Variants in SOX11 observed in about 807,000 individuals in gnomAD.
SOX11 encodes the protein SRY-box transcription factor 11.
Under a neutral mutation model 16.7 loss-of-function variants are expected in SOX11, and 5 were observed. The ratio of observed to expected loss-of-function variants is 0.30; its 90% CI spans 0.16 to 0.63. SOX11 has a LOEUF of 0.63. Ranked by LOEUF, SOX11 falls within the 20% of genes least tolerant of loss-of-function variation. SOX11 has a pLI of 0.82. For synonymous variants in SOX11, 363 were observed against 298.8 expected (o/e 1.21, Z -2.22); for missense variants, 492 against 641.5 (o/e 0.77, Z 2.52).
rs992170236 is a variant in SOX11 at position 5,692,476 on chromosome 2, C to A, written c.-246C>A. 1.3e-5 allele frequency among the ~76,000 whole-genome samples: 2 copies of A among 151,528 alleles called. No homozygotes were observed. On this transcript the variant is annotated 5_prime_UTR_variant, in exon 1 of 1. Transcript: ENST00000322002. ...GAGAGGGGTCCCGGGCTGCCTCGAC[C>A]GCCGTCGCCACCGCCTCTCCTGTCG...
chr2:5,694,032 G>C lies in SOX11; in HGVS notation c.1311G>C (p.Leu437=). The part of the protein sequence containing the change: ...GDWLEANFSD[L]VFTY ...GGCTGGAGGCGAACTTCTCCGACCTGGTGTTCACATATTGAAAGGCGCCCG... is the reference window on the plus strand; with the variant it reads ...GGCTGGAGGCGAACTTCTCCGACCTCGTGTTCACATATTGAAAGGCGCCCG... Residue 437 remains leucine, a synonymous_variant, in exon 1 of 1, where the codon CTG becomes CTC. Transcript: ENST00000322002. The C allele has an allele frequency of 7.7e-6, 12 of 1,550,480 alleles. No individual in the cohort carries two copies. The highest frequency in any genetic ancestry group is 1.0e-5 in the Non-Finnish European group (12 of 1,146,602).
In SOX11 at chr2:5,697,478, C is replaced by T. The variant is rs1402617753; in HGVS notation, c.*3431C>T. On this transcript the variant is annotated 3_prime_UTR_variant, in exon 1 of 1. Transcript: ENST00000322002. ...CGGCCCCCCGACTGAGAACTCGGGC[C>T]TCTCACCCGCCCCCCAGCCTCCCGC... 1.9e-5 allele frequency: 3 copies of T among 160,296 alleles called. No individual in the cohort carries two copies. The highest frequency in any genetic ancestry group is 3.0e-5 in the Non-Finnish European group (2 of 66,954). The allele number at this position is 160,296 out of a possible 1,614,324, so 9.9% of individuals were successfully genotyped here.
In SOX11 at chr2:5,696,081, G is replaced by A. The variant is rs1450504751; in HGVS notation, c.*2034G>A. ...CCGCGTCCCCGCTGAGCCTCGCGGT[G>A]ACAGCCGCCTTTGGCAGCGAGCGCT... is the stretch of plus-strand genomic sequence containing the variant. On this transcript the variant is annotated 3_prime_UTR_variant, in exon 1 of 1. Transcript: ENST00000322002. The A allele has an allele frequency of 6.0e-6, 1 of 166,100 alleles. No individual in the cohort carries two copies. The highest frequency in any genetic ancestry group is 1.5e-5 in the Non-Finnish European group (1 of 68,176). 10.3% of individuals were successfully genotyped at this position (166,100 alleles called of 1,614,324 possible). A position where few individuals can be genotyped will look rare whatever the true frequency, so the allele number is the denominator to read the frequency against.
rs1235601799 is a variant in SOX11, at chr2:5,695,343, A to G, written c.*1296A>G. 6.0e-6 allele frequency: 1 copy of G among 166,960 alleles called. No individual in the cohort carries two copies. Among genetic ancestry groups the G allele is most frequent in the Non-Finnish European group, 1.5e-5 (1 of 68,110 alleles). The allele number at this position is 166,960 out of a possible 1,614,324, so 10.3% of individuals were successfully genotyped here. ...AAAGATTGTATATGTACTGTACTAT[A>G]GTAGGACTTTATGTATCTCATACGC... On this transcript the variant is annotated 3_prime_UTR_variant, in exon 1 of 1. Transcript: ENST00000322002.
rs1383139180 is a variant in SOX11 at position 5,698,465 on chromosome 2, G to A, written c.*4418G>A. ...ATTTTGGTAAGCTTTCCATCTTTAA[G>A]AAATTGAACCAGCATTCTCTTATTA... On this transcript the variant is annotated 3_prime_UTR_variant, in exon 1 of 1. Transcript: ENST00000322002. The A allele has an allele frequency of 6.0e-6, 1 of 166,576 alleles. No individual in the cohort carries two copies. Among genetic ancestry groups the A allele is most frequent in the South Asian group, 2.1e-4 (1 of 4,814 alleles). 10.3% of individuals were successfully genotyped at this position (166,576 alleles called of 1,614,324 possible).
rs1047868074 is a variant in SOX11 at position 5,694,276 on chromosome 2, G to T, written c.*229G>T. 2 of 547,152 alleles carry T rather than the reference G, an allele frequency of 3.7e-6. No homozygotes were observed. Among genetic ancestry groups the T allele is most frequent in the African/African-American group, 2.0e-5 (1 of 50,570 alleles). 33.9% of individuals were successfully genotyped at this position (547,152 alleles called of 1,614,324 possible). A position where few individuals can be genotyped will look rare whatever the true frequency, so the allele number is the denominator to read the frequency against. ...AATTTTGGTGGAGTTAAAGTGAAAT[G>T]AGTAGTTTTTAAACATTTTTCCTGT... On this transcript the variant is annotated 3_prime_UTR_variant, in exon 1 of 1. Coordinates refer to ENST00000322002, the MANE Select transcript of SOX11 (RefSeq NM_003108.4).
In SOX11 at chr2:5,692,619, G is replaced by T; in HGVS notation, c.-103G>T. The stretch of plus-strand genomic sequence containing the variant: ...GGAGCCGCGAAAGCGGGGTGCCGAG[G>T]ACTTTGCAACTTGCCCAGGAAGGTG... On this transcript the variant is annotated 5_prime_UTR_variant, in exon 1 of 1. Coordinates refer to ENST00000322002, the MANE Select transcript of SOX11 (RefSeq NM_003108.4). 1.2e-6 allele frequency: 1 copy of T among 866,774 alleles called. No homozygotes were observed. The highest frequency in any genetic ancestry group is 1.9e-5 in the South Asian group (1 of 52,746). The allele number at this position is 866,774 out of a possible 1,614,324, so 53.7% of individuals were successfully genotyped here.
Position 5,694,137 on chromosome 2 carries a change from G to A in SOX11, c.*90G>A, listed in dbSNP as rs1193596115. The A allele has an allele frequency of 1.1e-4, 124 of 1,114,964 alleles. 1 individual carries two copies. Among genetic ancestry groups the A allele is most frequent in the African/African-American group, 3.9e-4 (18 of 45,666 alleles). The allele number at this position is 1,114,964 out of a possible 1,614,324, so 69.1% of individuals were successfully genotyped here. A position where few individuals can be genotyped will look rare whatever the true frequency, so the allele number is the denominator to read the frequency against. ...TAGTGGTGATGATGATGATGATAAT[G>A]ATGATGATGATGGTGGTGTTGATGG... is the stretch of plus-strand genomic sequence containing the variant. On this transcript the variant is annotated 3_prime_UTR_variant, in exon 1 of 1. Coordinates refer to ENST00000322002, the MANE Select transcript of SOX11 (RefSeq NM_003108.4).
rs1433996333 is a variant in SOX11 at position 5,693,813 on chromosome 2, C to T, written c.1092C>T (p.Asp364=). 30 of 1,552,908 alleles carry T rather than the reference C, an allele frequency of 1.9e-5. No individual in the cohort carries two copies. Among genetic ancestry groups the T allele is most frequent in the Non-Finnish European group, 2.4e-5 (28 of 1,148,232 alleles). ...AGGACGCCGACGACCTGATGTTCGA[C>T]CTGAGCTTGAATTTCTCTCAAAGCG... ...SGEDADDLMF[D]LSLNFSQSAH... The change falls in exon 1 of 1, where the codon GAC becomes GAT. Residue 364 remains aspartate (D), a synonymous_variant. Coordinates refer to ENST00000322002, the MANE Select transcript of SOX11 (RefSeq NM_003108.4). This position sits in a 1 kb window ranked among gnomAD's most constrained non-coding sequence, Gnocchi z 8.6.
In SOX11 at chr2:5,695,737, T is replaced by A. The variant is rs1342858873; in HGVS notation, c.*1690T>A. 3.6e-5 allele frequency: 6 copies of A among 167,052 alleles called. No homozygotes were observed. Among genetic ancestry groups the A allele is most frequent in the Non-Finnish European group, 5.9e-5 (4 of 68,108 alleles). The allele number at this position is 167,052 out of a possible 1,614,324, so 10.3% of individuals were successfully genotyped here. On this transcript the variant is annotated 3_prime_UTR_variant, in exon 1 of 1. Transcript: ENST00000322002. ...TGTTGTGTGCGCGGATGAGGGGAGG[T>A]GGCAGGAGAGAATTCTACATTTAGG... is the stretch of plus-strand genomic sequence containing the variant.
At position 5,698,209 on chromosome 2, in the gene SOX11, T is replaced by A. The variant is rs1322484334; in HGVS notation, c.*4162T>A. 1 of 167,148 alleles carries A rather than the reference T, an allele frequency of 6.0e-6. No individual in the cohort carries two copies. The highest frequency in any genetic ancestry group is 2.4e-5 in the African/African-American group (1 of 41,480). 10.4% of individuals were successfully genotyped at this position (167,148 alleles called of 1,614,324 possible). On this transcript the variant is annotated 3_prime_UTR_variant, in exon 1 of 1. Transcript: ENST00000322002. The stretch of plus-strand genomic sequence containing the variant: ...TCATCTTAATGAATTCTTTATTGAG[T>A]GTCTAAAACATAGTATAATACACAT...
chr2:5,694,770 A>T lies in SOX11; in HGVS notation c.*723A>T. On this transcript the variant is annotated 3_prime_UTR_variant, in exon 1 of 1. Coordinates refer to ENST00000322002, the MANE Select transcript of SOX11 (RefSeq NM_003108.4). The stretch of plus-strand genomic sequence containing the variant: ...CTGCAGGGAGCTTGAAAAAATGCAG[A>T]CTGTACAAACGCTTACAAAAAAAAA... 1 of 140,038 alleles carries T rather than the reference A, an allele frequency of 7.1e-6. No homozygotes were observed. 8.7% of individuals were successfully genotyped at this position (140,038 alleles called of 1,614,324 possible). A position where few individuals can be genotyped will look rare whatever the true frequency, so the allele number is the denominator to read the frequency against.
At position 5,693,838 on chromosome 2, in the gene SOX11, G is replaced by A; in HGVS notation, c.1117G>A (p.Ala373Thr). The change falls in exon 1 of 1, where the codon GCG (alanine) becomes ACG (threonine). Residue 373 changes from alanine to threonine, a missense_variant. By Grantham distance (58) the Ala-to-Thr change is moderately conservative. Around this residue, in one of 4 missense-constraint regions of SOX11, gnomAD observed 389 missense variants for 389.0 expected, o/e 1.00. Transcript: ENST00000322002. This position sits in a 1 kb window ranked among gnomAD's most constrained non-coding sequence, Gnocchi z 8.6. Reference sequence around the variant, plus strand: ...CCTGAGCTTGAATTTCTCTCAAAGCGCGCACAGCGCCAGCGAGCAGCAGCT... The same window carrying A: ...CCTGAGCTTGAATTTCTCTCAAAGCACGCACAGCGCCAGCGAGCAGCAGCT... Reference protein sequence around the residue: ...FDLSLNFSQSAHSASEQQLGG... With the variant: ...FDLSLNFSQSTHSASEQQLGG... The A allele has an allele frequency of 6.4e-7, 1 of 1,551,260 alleles. No homozygotes were observed. Among genetic ancestry groups the A allele is most frequent in the African/African-American group, 1.4e-5 (1 of 73,206 alleles).
At position 5,693,976 on chromosome 2, in the gene SOX11, C is replaced by A; in HGVS notation, c.1255C>A (p.Pro419Thr). 1 of 1,551,618 alleles carries A rather than the reference C, an allele frequency of 6.4e-7. No individual in the cohort carries two copies. Among genetic ancestry groups the A allele is most frequent in the Non-Finnish European group, 8.7e-7 (1 of 1,147,032 alleles). ...SHFEFPDYCT[P>T]ELSEMIAGDW... ...CTTCGAGTTCCCCGACTACTGCACG[C>A]CGGAGCTGAGCGAGATGATCGCGGG... Residue 419 changes from proline (P) to threonine (T), a missense_variant, in exon 1 of 1, where the codon CCG (proline) becomes ACG (threonine). Physicochemically the swap from Pro to Thr is conservative, Grantham distance 38 (BLOSUM62 -1). Coordinates refer to ENST00000322002, the MANE Select transcript of SOX11 (RefSeq NM_003108.4). The surrounding 1 kb of genome is among the most constrained non-coding windows in gnomAD (Gnocchi z 8.6).
rs750388803 is a variant in SOX11, at chr2:5,693,318, G to C, written c.597G>C (p.Val199=). The change falls in exon 1 of 1, where the codon GTG becomes GTC. Residue 199 remains valine, a synonymous_variant. Transcript: ENST00000322002. The surrounding 1 kb of genome is among the most constrained non-coding windows in gnomAD (Gnocchi z 8.6). ...GDYGGAGDDY[V]LGSLRVSGSG... The stretch of plus-strand genomic sequence containing the variant: ...ACGGGGGCGCGGGCGACGACTACGT[G>C]CTGGGCAGCCTGCGCGTGAGCGGCT... 2.5e-6 allele frequency: 4 copies of C among 1,583,952 alleles called. No homozygotes were observed. The highest frequency in any genetic ancestry group is 1.1e-5 in the South Asian group (1 of 89,186).
Position 5,694,313 on chromosome 2 carries a change from C to T in SOX11, c.*266C>T, listed in dbSNP as rs367894119. On this transcript the variant is annotated 3_prime_UTR_variant, in exon 1 of 1. Transcript: ENST00000322002. ...AACATTTTTCCTGTCCTTTTTTTGTCCCCCCTCCCTTCCTTTATCGTGTCT... is the reference window on the plus strand; with the variant it reads ...AACATTTTTCCTGTCCTTTTTTTGTTCCCCCTCCCTTCCTTTATCGTGTCT... The T allele has an allele frequency of 2.1e-6, 1 of 479,942 alleles. No individual in the cohort carries two copies. Among genetic ancestry groups the T allele is most frequent in the African/African-American group, 2.0e-5 (1 of 49,270 alleles). The allele number at this position is 479,942 out of a possible 1,614,324, so 29.7% of individuals were successfully genotyped here. A position where few individuals can be genotyped will look rare whatever the true frequency, so the allele number is the denominator to read the frequency against.
chr2:5,692,573 G>A lies in SOX11; in HGVS notation c.-149G>A. On this transcript the variant is annotated 5_prime_UTR_variant, in exon 1 of 1. Transcript: ENST00000322002. ...CACAGCCGCTGTGTGCAGCCTGGAA[G>A]GGGGGGCGGGGGGGAGGGGGGGAGC... is the stretch of plus-strand genomic sequence containing the variant. 1.6e-6 allele frequency: 1 copy of A among 637,190 alleles called. No homozygotes were observed. The highest frequency in any genetic ancestry group is 2.6e-6 in the Non-Finnish European group (1 of 382,678). 39.5% of individuals were successfully genotyped at this position (637,190 alleles called of 1,614,324 possible). A position where few individuals can be genotyped will look rare whatever the true frequency, so the allele number is the denominator to read the frequency against.
rs5829022 is a variant in SOX11 at position 5,694,666 on chromosome 2, A to ATTTTTTTTTTTTT, written c.*639_*651dup. On this transcript the variant is annotated 3_prime_UTR_variant, in exon 1 of 1. Coordinates refer to ENST00000322002, the MANE Select transcript of SOX11 (RefSeq NM_003108.4). ...GACCATTGCAACTTTTGTTAATTTA[A>ATTTTTTTTTTTTT]TTTTTTTTTTTTTTTTTTTTTTTTT... 4 of 42,846 alleles carry ATTTTTTTTTTTTT rather than the reference A, an allele frequency of 9.3e-5. No homozygotes were observed. The highest frequency in any genetic ancestry group is 1.4e-4 in the Non-Finnish European group (3 of 21,482). The allele number at this position is 42,846 out of a possible 1,614,324, so 2.7% of individuals were successfully genotyped here.
Position 5,700,759 on chromosome 2 carries a change from G to A in SOX11, c.*6712G>A, listed in dbSNP as rs557090992. On this transcript the variant is annotated 3_prime_UTR_variant, in exon 1 of 1. Coordinates refer to ENST00000322002, the MANE Select transcript of SOX11 (RefSeq NM_003108.4). ...ATGGCATCCCATAATGCTTCGTGAC[G>A]GCCACCAGGACAGAACCACCTGATG... 3.0e-5 allele frequency: 5 copies of A among 167,000 alleles called. No homozygotes were observed. The highest frequency in any genetic ancestry group is 2.1e-4 in the South Asian group (1 of 4,812). 10.3% of individuals were successfully genotyped at this position (167,000 alleles called of 1,614,324 possible). A position where few individuals can be genotyped will look rare whatever the true frequency, so the allele number is the denominator to read the frequency against.
Sources: allele counts gnomAD v4.1 joint callset (sites outside exome capture counted in the v4.1 genomes callset), GRCh38; gene constraint gnomAD v4.1.1; regional missense constraint gnomAD v4.1.1; non-coding constraint Gnocchi (gnomAD v3.1); transcripts MANE v1.5; gene names NCBI Gene and HGNC (gene_info 2026-07-23, HGNC 2026-07-21).